Variants in TRERF1 observed in about 807,000 individuals in gnomAD.
TRERF1 encodes the protein transcriptional regulating factor 1, also known as transcriptional-regulating factor 1.
In TRERF1, 27 loss-of-function variants were observed where a neutral mutation model predicts 122.9. The observed-to-expected ratio is 0.22, with a 90% confidence interval of 0.16 to 0.30. TRERF1 has a LOEUF of 0.30. Ranked by LOEUF, TRERF1 falls within the 10% of genes least tolerant of loss-of-function variation. TRERF1 has a pLI of 1.00. For missense variants in TRERF1, 1,248 were observed against 1,560.3 expected, an observed-to-expected ratio of 0.80 and a Z score of 3.37; for synonymous variants, 636 against 641.7, an observed-to-expected ratio of 0.99 and a Z score of 0.13.
intron 2 of TRERF1, among the ~76,000 whole-genome samples, chr6:42,414,506 A>C (rs530760598): frequency 6.6e-6 from 1 of 152,250 alleles, no homozygotes; most frequent in South Asian, 2.1e-4. Flanking sequence ...TGCTTTTTTC[A>C]CTCCAAATTA....
chr6:42,434,711 C>CA (rs1562205382), intron 2 of TRERF1, among the ~76,000 whole-genome samples: 1 of 149,664 alleles, frequency 6.7e-6, no homozygotes, highest in South Asian at 2.1e-4. Context: ...CACACACACA[C>CA]CCCTAATAGG....
chr6:42,233,491 T>C (rs1454862224), intron 16 of TRERF1, among the ~76,000 whole-genome samples: 11 of 152,004 alleles, frequency 7.2e-5, no homozygotes, highest in Admixed American at 4.6e-4. Context: ...TTCACCGTGT[T>C]AGCCAGGATG....
In TRERF1 at chr6:42,268,156, G is replaced by T. The variant is rs2149888974; in HGVS notation, c.1435C>A (p.Gln479Lys). 6.9e-7 allele frequency: 1 copy of T among 1,450,164 alleles called. No individual in the cohort carries two copies. The highest frequency in any genetic ancestry group is 2.4e-5 in the East Asian group (1 of 41,688). 89.8% of individuals were successfully genotyped at this position (1,450,164 alleles called of 1,614,324 possible). A position where few individuals can be genotyped will look rare whatever the true frequency, so the allele number is the denominator to read the frequency against. Reference sequence around the variant, plus strand: ...AGAAACTTCCAATGGGAGAATACCTGGGGCCACATGGCACTGGGAGACAGC... The same window carrying T: ...AGAAACTTCCAATGGGAGAATACCTTGGGCCACATGGCACTGGGAGACAGC... The change falls in exon 5 of 18, where the codon CAG becomes AAG. Residue 479 changes from glutamine to lysine, a missense_variant and splice_region_variant. This residue lies in a region of TRERF1 where 946 missense variants were observed against 1,073.0 expected (regional missense o/e 0.88). Transcript: ENST00000372922. This position sits in a 1 kb window ranked among gnomAD's most constrained non-coding sequence, Gnocchi z 4.4.
intron 3 of TRERF1, among the ~76,000 whole-genome samples, chr6:42,325,064 A>G (rs557185083): frequency 4.3e-4 from 65 of 152,318 alleles, no homozygotes; most frequent in African/African-American, 1.5e-3. Flanking sequence ...AAGAAAAAAA[A>G]CAAATAACCC....
chr6:42,439,062 G>A (rs1251667204), intron 2 of TRERF1, among the ~76,000 whole-genome samples: 3 of 152,188 alleles, frequency 2.0e-5, no homozygotes, highest in Non-Finnish European at 2.9e-5. Context: ...AAGAGCAGGC[G>A]AGATGGAGAG....
At chr6:42,299,484 C>T (rs533810440) in intron 4 of TRERF1, among the ~76,000 whole-genome samples, 1 of 152,292 alleles carries the variant, frequency 6.6e-6, no homozygotes, top group East Asian at 1.9e-4. Context: ...GCAACAATTT[C>T]AGCATTGCAA....
intron 2 of TRERF1, among the ~76,000 whole-genome samples, chr6:42,435,291 C>T (rs567179407): frequency 2.7e-4 from 41 of 152,106 alleles, no homozygotes; most frequent in Non-Finnish European, 1.3e-4. Context: ...GTCCAGAAAA[C>T]GGCTAAAACA....
chr6:42,273,102 T>C (rs1214757564), intron 4 of TRERF1, among the ~76,000 whole-genome samples: 2 of 152,084 alleles, frequency 1.3e-5, no homozygotes, highest in African/African-American at 2.4e-5. Flanking sequence ...AAACTACACA[T>C]TCTCAGAAAG....
At chr6:42,250,301 C>T (rs1225408208) in intron 13 of TRERF1, among the ~76,000 whole-genome samples, 1 of 152,172 alleles carries the variant, frequency 6.6e-6, no homozygotes, top group Non-Finnish European at 1.5e-5. Context: ...CATCCAAGAC[C>T]ACCTGTTTCT....
chr6:42,397,521 G>C (rs1359718963), intron 2 of TRERF1, among the ~76,000 whole-genome samples: 1 of 152,126 alleles, frequency 6.6e-6, no homozygotes, highest in Non-Finnish European at 1.5e-5. Context: ...GACATCTTCT[G>C]GGAAAACAGA....
chr6:42,267,580 C>T (rs896490837), intron 5 of TRERF1, among the ~76,000 whole-genome samples: 2 of 151,940 alleles, frequency 1.3e-5, no homozygotes, highest in East Asian at 1.9e-4. Flanking sequence ...TGCAGTGAGC[C>T]GAGATGGCGC....
chr6:42,347,800 G>T (rs887006337), intron 3 of TRERF1, among the ~76,000 whole-genome samples: 1 of 152,210 alleles, frequency 6.6e-6, no homozygotes, highest in African/African-American at 2.4e-5. Context: ...AGCTAACTGT[G>T]GGACACAGAA....
In TRERF1 at chr6:42,269,686, A is replaced by G. The variant is rs1341869809; in HGVS notation, c.-96T>C. 1 of 1,485,988 alleles carries G rather than the reference A, an allele frequency of 6.7e-7. No homozygotes were observed. The highest frequency in any genetic ancestry group is 2.4e-5 in the East Asian group (1 of 41,696). The allele number at this position is 1,485,988 out of a possible 1,614,324, so 92.1% of individuals were successfully genotyped here. ...ACTGAAACCCTGAGAAGCTGAGAGA[A>G]AAGTGTCAGCACTACTCCACGGCTG... On this transcript the variant is annotated 5_prime_UTR_variant, in exon 5 of 18. Transcript: ENST00000372922. This position sits in a 1 kb window ranked among gnomAD's most constrained non-coding sequence, Gnocchi z 4.9.
rs140576159 is a variant in TRERF1 at position 42,338,879 on chromosome 6, G to A, written c.-371+24118C>T. ...TGTGGTGGTGACTCAATGTATATTT[G>A]TTTATCTTTATATTTTTTTCACAAT... On this transcript the variant is annotated intron_variant, in intron 3 of 17. Coordinates refer to ENST00000372922, the Ensembl canonical transcript of TRERF1. 2.0e-3 allele frequency among the ~76,000 whole-genome samples: 303 copies of A among 152,250 alleles called. 2 individuals carry two copies. Among genetic ancestry groups the A allele is most frequent in the African/African-American group, 7.0e-3 (291 of 41,550 alleles).
chr6:42,277,915 G>GAAGAAGA (rs1781514433), intron 4 of TRERF1, among the ~76,000 whole-genome samples: 1 of 96,622 alleles, frequency 1.0e-5, no homozygotes, highest in Admixed American at 1.2e-4. Flanking sequence ...GGAAGAAGAA[G>GAAGAAGA]AAGAAGAAGA....
intron 2 of TRERF1, among the ~76,000 whole-genome samples, chr6:42,447,493 G>C (rs1582300677): frequency 1.3e-5 from 2 of 152,270 alleles, no homozygotes; most frequent in South Asian, 4.2e-4. Context: ...TTATTTTACT[G>C]GTTTCCCTTC....
intron 4 of TRERF1, among the ~76,000 whole-genome samples, chr6:42,296,549 G>A (rs924442758): frequency 3.3e-5 from 5 of 152,116 alleles, no homozygotes; most frequent in African/African-American, 4.8e-5. Flanking sequence ...ATGAAGAAAC[G>A]GAAGCTCAGA....
intron 8 of TRERF1, among the ~76,000 whole-genome samples, chr6:42,262,470 A>G: frequency 2.2e-3 from 5 of 2,252 alleles, no homozygotes; most frequent in African/African-American, 6.4e-3. Context: ...GAGAGAGGAG[A>G]GAGAGAGAGA....
In TRERF1 at chr6:42,269,311, GGTTTCC is replaced by G. The variant is rs1215162117; in HGVS notation, c.274_279del (p.Gly92_Asn93del). 7 of 1,614,170 alleles carry G rather than the reference GGTTTCC, an allele frequency of 4.3e-6. No individual in the cohort carries two copies. Among genetic ancestry groups the G allele is most frequent in the Non-Finnish European group, 5.9e-6 (7 of 1,180,024 alleles). On this transcript the variant is annotated inframe_deletion, in exon 5 of 18. Coordinates refer to ENST00000372922, the Ensembl canonical transcript of TRERF1. The surrounding 1 kb of genome is among the most constrained non-coding windows in gnomAD (Gnocchi z 4.9). ...GCCAGGTTTCCACGTAGCTGGACAT[GGTTTCC>G]AGGCCCTGCATGACTTCCCCACCCT... is the stretch of plus-strand genomic sequence containing the variant.
Sources: gnomAD v4.1 joint callset for allele counts (sites outside exome capture counted in the v4.1 genomes callset) on GRCh38, gnomAD v4.1.1 for gene constraint, gnomAD v4.1.1 regional missense constraint, Gnocchi (gnomAD v3.1) non-coding constraint, MANE v1.5 for transcripts, NCBI Gene and HGNC (gene_info 2026-07-23, HGNC 2026-07-21) for gene names.